The following SH3BGRL2 variants were observed in gnomAD, a reference collection of about 807,000 sequenced individuals.
SH3BGRL2 encodes SH3 domain binding glutamate rich protein like 2, also known as SH3 domain-binding glutamic acid-rich-like protein 2.
SH3BGRL2 carries 21 observed loss-of-function variants against 14.8 expected under a neutral mutation model. That is an observed-to-expected ratio of 1.42 (90% CI 1.01 to 2.05). The LOEUF (loss-of-function observed/expected upper bound fraction) is 2.05, where lower values mean the gene tolerates loss of function less well. Among genes scored for constraint, SH3BGRL2 ranks in the 30% most tolerant of loss-of-function variants. The pLI is 0.00. For synonymous variants in SH3BGRL2, 50 were observed against 47.8 expected (o/e 1.05, Z -0.19); for missense variants, 147 against 130.8 (o/e 1.12, Z -0.61).
At chr6:79,598,811 G>A in the SH3BGRL2 span, among the ~76,000 whole-genome samples, 15 of 150,708 alleles carry the variant, frequency 1.0e-4, no homozygotes, top group East Asian at 1.8e-3. Context: ...GGCTGGGCGC[G>A]GTGGCTCATG....
At chr6:79,607,569 G>T in the SH3BGRL2 span, among the ~76,000 whole-genome samples, 18 of 152,174 alleles carry the variant, frequency 1.2e-4, no homozygotes, top group Non-Finnish European at 1.5e-5. Context: ...ATCCTATGGG[G>T]ACTGCTGTAC....
intron 1 of SH3BGRL2, among the ~76,000 whole-genome samples, chr6:79,666,652 ACTTAGGGCCTTCTACCTTC>A: frequency 6.6e-6 from 1 of 152,292 alleles, no homozygotes; most frequent in African/African-American, 2.4e-5. Flanking sequence ...GGAAGAATCA[ACTTAGGGCCTTCTACCTTC>A]CTTAATCCAG....
At chr6:79,672,939 T>C (rs1769801715) in intron 1 of SH3BGRL2, among the ~76,000 whole-genome samples, 1 of 152,168 alleles carries the variant, frequency 6.6e-6, no homozygotes, top group African/African-American at 2.4e-5. Context: ...GGAGAACATT[T>C]TTCTCCTGTG....
intron 1 of SH3BGRL2, among the ~76,000 whole-genome samples, chr6:79,637,304 G>A (rs575792209): frequency 9.9e-5 from 15 of 152,070 alleles, no homozygotes; most frequent in Non-Finnish European, 2.1e-4. Flanking sequence ...ATGAAATTAG[G>A]AGCTGTTTAC....
the SH3BGRL2 span, among the ~76,000 whole-genome samples, chr6:79,538,528 T>G: frequency 6.6e-6 from 1 of 152,246 alleles, no homozygotes; most frequent in Non-Finnish European, 1.5e-5. Context: ...GAAAATAAGA[T>G]GAGTAATCCC....
At chr6:79,569,821 A>G in the SH3BGRL2 span, among the ~76,000 whole-genome samples, 2 of 152,146 alleles carry the variant, frequency 1.3e-5, no homozygotes, top group Non-Finnish European at 2.9e-5. Context: ...CCGAATGCAT[A>G]CCTACAGTAG....
At chr6:79,611,546 G>GATTAC in the SH3BGRL2 span, among the ~76,000 whole-genome samples, 5 of 152,002 alleles carry the variant, frequency 3.3e-5, no homozygotes, top group African/African-American at 1.2e-4. Context: ...GAGTAGCTGG[G>GATTAC]ATTACAGGAG....
intron 2 of SH3BGRL2, among the ~76,000 whole-genome samples, chr6:79,681,084 C>A (rs1200498319): frequency 6.6e-6 from 1 of 152,094 alleles, no homozygotes; most frequent in Non-Finnish European, 1.5e-5. Context: ...ATAGTCAAGA[C>A]AGATTGGTGC....
At chr6:79,558,793 C>G in the SH3BGRL2 span, among the ~76,000 whole-genome samples, 2 of 152,120 alleles carry the variant, frequency 1.3e-5, no homozygotes, top group African/African-American at 2.4e-5. Context: ...ATGCCATTCC[C>G]CACAGAAGGA....
At chr6:79,586,143 C>T in the SH3BGRL2 span, among the ~76,000 whole-genome samples, 2 of 150,152 alleles carry the variant, frequency 1.3e-5, no homozygotes, top group Non-Finnish European at 2.9e-5. Flanking sequence ...TTGCGGTTAG[C>T]CAAGATAGTG....
chr6:79,628,027 T>C (rs1453144546), upstream of SH3BGRL2, among the ~76,000 whole-genome samples: 1 of 152,228 alleles, frequency 6.6e-6, no homozygotes, highest in Non-Finnish European at 1.5e-5. Flanking sequence ...GCAACAACAC[T>C]GTGACTTTGT....
intron 3 of SH3BGRL2, among the ~76,000 whole-genome samples, chr6:79,698,013 A>T (rs1431670290): frequency 6.6e-6 from 1 of 152,216 alleles, no homozygotes; most frequent in Non-Finnish European, 1.5e-5. Flanking sequence ...TGAAATATAC[A>T]TTCTCACATG....
intron 1 of SH3BGRL2, among the ~76,000 whole-genome samples, chr6:79,660,438 C>G (rs757373964): frequency 7.0e-6 from 1 of 142,760 alleles, no homozygotes; most frequent in Non-Finnish European, 1.6e-5. Context: ...TGATGGATTA[C>G]GTTTATTGAT....
At chr6:79,591,616 C>T in the SH3BGRL2 span, among the ~76,000 whole-genome samples, 6 of 152,174 alleles carry the variant, frequency 3.9e-5, no homozygotes, top group Non-Finnish European at 7.3e-5. Context: ...CTATGTTGGT[C>T]AGGATGGTCT....
Position 79,699,706 on chromosome 6 carries a change from A to AT in SH3BGRL2, c.*207dup, listed in dbSNP as rs955928423. 2,194 of 653,778 alleles carry AT rather than the reference A, an allele frequency of 3.4e-3. No individual in the cohort carries two copies. Among genetic ancestry groups the AT allele is most frequent in the South Asian group, 4.9e-3 (102 of 20,708 alleles). 40.5% of individuals were successfully genotyped at this position (653,778 alleles called of 1,614,324 possible). A position where few individuals can be genotyped will look rare whatever the true frequency, so the allele number is the denominator to read the frequency against. On this transcript the variant is annotated 3_prime_UTR_variant, in exon 4 of 4. Coordinates refer to ENST00000369838, the MANE Select transcript of SH3BGRL2 (RefSeq NM_031469.4). ...TGCTTTAAACCAAATCAGGTGGTGG[A>AT]TTTTTTTTTTCTTATTCTATTTGCC... is the stretch of plus-strand genomic sequence containing the variant.
rs1770465861 is a variant in SH3BGRL2, at chr6:79,701,915, G to A, written c.*2406G>A. The A allele has an allele frequency of 1.3e-5, 2 of 152,494 alleles. No homozygotes were observed. Among genetic ancestry groups the A allele is most frequent in the Non-Finnish European group, 2.9e-5 (2 of 68,020 alleles). 9.4% of individuals were successfully genotyped at this position (152,494 alleles called of 1,614,324 possible). On this transcript the variant is annotated 3_prime_UTR_variant, in exon 4 of 4. Transcript: ENST00000369838. Reference sequence around the variant, plus strand: ...AGGAAAGAAGTGGATGGGAATTGTAGGCATAGATTTCATATCAAGGGCATT... The same window carrying A: ...AGGAAAGAAGTGGATGGGAATTGTAAGCATAGATTTCATATCAAGGGCATT...
intron 1 of SH3BGRL2, among the ~76,000 whole-genome samples, chr6:79,645,162 A>AC (rs1769115477): frequency 6.6e-6 from 1 of 151,932 alleles, no homozygotes; most frequent in Admixed American, 6.6e-5. Flanking sequence ...CTCAAAAAAA[A>AC]AAAAAAAATA....
At chr6:79,697,425 G>A (rs1387231682) in intron 3 of SH3BGRL2, among the ~76,000 whole-genome samples, 6 of 152,084 alleles carry the variant, frequency 3.9e-5, no homozygotes, top group African/African-American at 7.2e-5. Flanking sequence ...TAACACAACC[G>A]AAATAAAAGT....
chr6:79,565,203 A>G, the SH3BGRL2 span, among the ~76,000 whole-genome samples: 14 of 152,210 alleles, frequency 9.2e-5, no homozygotes, highest in Non-Finnish European at 1.5e-5. Context: ...TTTCAGTATT[A>G]ATCTCCATTC....
Sources: allele counts gnomAD v4.1 joint callset (sites outside exome capture counted in the v4.1 genomes callset), GRCh38; gene constraint gnomAD v4.1.1; transcripts MANE v1.5; gene names NCBI Gene and HGNC (gene_info 2026-07-23, HGNC 2026-07-21).